Variants in LDB2 observed in about 807,000 individuals in gnomAD.
LDB2 encodes LIM domain-binding protein 2.
LDB2 carries 12 observed loss-of-function variants against 44.3 expected under a neutral mutation model. The observed-to-expected ratio is 0.27, with a 90% confidence interval of 0.17 to 0.44. The LOEUF (loss-of-function observed/expected upper bound fraction) is 0.44. Among genes scored for constraint, LDB2 ranks in the 20% least tolerant of loss-of-function variants. The pLI, the probability that LDB2 is intolerant of heterozygous loss-of-function variation, is 1.00. For missense variants in LDB2, 344 were observed against 473.5 expected (o/e 0.73, Z 2.54); for synonymous variants, 164 against 174.8 (o/e 0.94, Z 0.49).
At chr4:16,872,826 A>C (rs1180874531) in intron 1 of LDB2, among the ~76,000 whole-genome samples, 1 of 152,222 alleles carries the variant, frequency 6.6e-6, no homozygotes, top group Non-Finnish European at 1.5e-5. Context: ...GTTTTAGCAA[A>C]AGATGACAAG....
intron 5 of LDB2, among the ~76,000 whole-genome samples, chr4:16,580,721 A>G (rs1714044282): frequency 6.6e-6 from 1 of 152,218 alleles, no homozygotes; most frequent in South Asian, 2.1e-4. Flanking sequence ...CAGTGAATGC[A>G]AGGAATGCCT....
At chr4:16,562,690 A>G (rs945085314) in intron 5 of LDB2, among the ~76,000 whole-genome samples, 1 of 152,244 alleles carries the variant, frequency 6.6e-6, no homozygotes, top group African/African-American at 2.4e-5. Context: ...TAGAAATACC[A>G]TTTGACCCAG....
intron 2 of LDB2, among the ~76,000 whole-genome samples, chr4:16,739,573 GAAA>G (rs577466407): frequency 0.019 from 704 of 37,232 alleles, 21 homozygotes; most frequent in East Asian, 0.048. Flanking sequence ...GTGACAGAGG[GAAA>G]AAAAAAAAAA....
chr4:16,702,448 CCT>C (rs1753664225), intron 2 of LDB2, among the ~76,000 whole-genome samples: 1 of 152,190 alleles, frequency 6.6e-6, no homozygotes, highest in African/African-American at 2.4e-5. Flanking sequence ...TCATTTTAGG[CCT>C]CAGCCCTGAA....
chr4:16,600,712 A>C (rs1722343061), intron 2 of LDB2, among the ~76,000 whole-genome samples: 1 of 151,742 alleles, frequency 6.6e-6, no homozygotes, highest in South Asian at 2.1e-4. Context: ...ATCCATCCCT[A>C]CTCCCCAGAA....
intron 1 of LDB2, among the ~76,000 whole-genome samples, chr4:16,788,784 G>A (rs1338465543): frequency 6.6e-6 from 1 of 152,190 alleles, no homozygotes; most frequent in East Asian, 1.9e-4. Context: ...TGAGCCCCAA[G>A]AACAGGCAAC....
At chr4:16,834,696 G>A (rs1394385238) in intron 1 of LDB2, among the ~76,000 whole-genome samples, 2 of 152,130 alleles carry the variant, frequency 1.3e-5, no homozygotes, top group Non-Finnish European at 2.9e-5. Flanking sequence ...GCATGGTGGT[G>A]TGTGCGTGTA....
chr4:16,588,926 G>T, intron 3 of LDB2, 94 bp from the exon 4 acceptor site: 1 of 1,363,598 alleles, frequency 7.3e-7, no homozygotes, highest in Non-Finnish European at 1.0e-6. Context: ...CTCCCTTTCT[G>T]TCCTTGGGCA....
At chr4:16,551,934 T>A (rs939246362) in intron 5 of LDB2, among the ~76,000 whole-genome samples, 1 of 152,220 alleles carries the variant, frequency 6.6e-6, no homozygotes, top group African/African-American at 2.4e-5. Flanking sequence ...CTCTCTTCAT[T>A]CTTTTTACAT....
chr4:16,732,612 T>A (rs1375461090), intron 2 of LDB2, among the ~76,000 whole-genome samples: 2 of 152,180 alleles, frequency 1.3e-5, no homozygotes, highest in Admixed American at 6.5e-5. Flanking sequence ...CTCATTACCA[T>A]CCACAGCTAT....
intron 4 of LDB2, 44 bp downstream of exon 4, chr4:16,588,666 G>C: frequency 6.3e-7 from 1 of 1,597,696 alleles, no homozygotes; most frequent in Non-Finnish European, 8.5e-7. Context: ...AAATGAAGGA[G>C]GAAAAAAAAG....
At chr4:16,888,116 G>A (rs1002109316) in intron 1 of LDB2, among the ~76,000 whole-genome samples, 5 of 152,210 alleles carry the variant, frequency 3.3e-5, no homozygotes, top group African/African-American at 1.2e-4. Flanking sequence ...GACCAGTGCT[G>A]ACCCAGCTCC....
At chr4:16,748,923 C>T (rs985067942) in intron 2 of LDB2, among the ~76,000 whole-genome samples, 1 of 152,164 alleles carries the variant, frequency 6.6e-6, no homozygotes, top group Non-Finnish European at 1.5e-5. Context: ...GTCTTTGAAA[C>T]AAAAGCTCGC....
In LDB2 at chr4:16,664,489, A is replaced by G. The variant is rs141791948; in HGVS notation, c.236-68614T>C. Among the ~76,000 whole-genome samples the G allele has an allele frequency of 3.8e-3, 575 of 152,334 alleles. 2 individuals are homozygous for G. The highest frequency in any genetic ancestry group is 0.013 in the African/African-American group (549 of 41,582). Reference sequence around the variant, plus strand: ...TAGGACACTAGACAGAGTCAGGAACACTAAAATGAAGACGTTAGTGGGAAC... The same window carrying G: ...TAGGACACTAGACAGAGTCAGGAACGCTAAAATGAAGACGTTAGTGGGAAC... On this transcript the variant is annotated intron_variant, in intron 2 of 7. Coordinates refer to ENST00000304523, the MANE Select transcript of LDB2 (RefSeq NM_001290.5).
intron 2 of LDB2, among the ~76,000 whole-genome samples, chr4:16,613,750 T>C (rs1399447600): frequency 6.6e-6 from 1 of 152,106 alleles, no homozygotes; most frequent in Non-Finnish European, 1.5e-5. Flanking sequence ...TACAAACCAC[T>C]GCTCAAGGAA....
At chr4:16,542,232 C>T (rs1734108810) in intron 5 of LDB2, among the ~76,000 whole-genome samples, 1 of 151,892 alleles carries the variant, frequency 6.6e-6, no homozygotes, top group Admixed American at 6.6e-5. Flanking sequence ...AGGCAGTGAG[C>T]AAGACTGATG....
At chr4:16,640,149 C>T (rs1734737770) in intron 2 of LDB2, among the ~76,000 whole-genome samples, 1 of 152,186 alleles carries the variant, frequency 6.6e-6, no homozygotes, top group African/African-American at 2.4e-5. Flanking sequence ...AATGCATTAC[C>T]CAATCATCTG....
intron 5 of LDB2, among the ~76,000 whole-genome samples, chr4:16,556,604 T>C (rs1003774573): frequency 2.6e-5 from 4 of 152,144 alleles, no homozygotes; most frequent in Admixed American, 6.5e-5. Flanking sequence ...CAGCTAGAAA[T>C]TGCCTGAAGC....
chr4:16,822,198 A>C (rs759283254), intron 1 of LDB2, among the ~76,000 whole-genome samples: 19 of 152,220 alleles, frequency 1.2e-4, no homozygotes, highest in South Asian at 2.1e-4. Flanking sequence ...GTCTGCCACC[A>C]TGAATATTAA....
Sources: gnomAD v4.1 joint callset for allele counts (sites outside exome capture counted in the v4.1 genomes callset) on GRCh38, gnomAD v4.1.1 for gene constraint, MANE v1.5 for transcripts, NCBI Gene and HGNC (gene_info 2026-07-23, HGNC 2026-07-21) for gene names.